RCBTB1: variants seen among roughly 807,000 people sequenced by gnomAD.
The protein encoded by RCBTB1 is RCC1 and BTB domain containing protein 1.
In RCBTB1, 46 loss-of-function variants were observed where a neutral mutation model predicts 62.4. That is an observed-to-expected ratio of 0.74 (90% confidence interval 0.58 to 0.94). RCBTB1 has a LOEUF of 0.94. Among genes scored for constraint, RCBTB1 ranks in the 40% least tolerant of loss-of-function variants. RCBTB1 has a pLI of 0.00. For missense variants in RCBTB1, 565 were observed against 654.9 expected, an observed-to-expected ratio of 0.86 and a Z score of 1.50; for synonymous variants, 222 against 245.8, an observed-to-expected ratio of 0.90 and a Z score of 0.91.
intron 9 of RCBTB1, among the ~76,000 whole-genome samples, chr13:49,549,136 A>T (rs1207062992): frequency 4.0e-5 from 1 of 24,836 alleles, no homozygotes; most frequent in Non-Finnish European, 1.8e-4. Context: ...TGTCTCAATA[A>T]AAAAAAAAAA....
chr13:49,563,642 G>C (rs1044570801), intron 4 of RCBTB1, among the ~76,000 whole-genome samples: 2 of 149,246 alleles, frequency 1.3e-5, no homozygotes, highest in Admixed American at 1.3e-4. Context: ...CTAGGCGATA[G>C]AGCGAGACTG....
At chr13:49,559,404 C>T (rs139918478) in intron 5 of RCBTB1, among the ~76,000 whole-genome samples, 3,427 of 152,216 alleles carry the variant, frequency 0.023, 123 homozygotes, top group East Asian at 0.15. Context: ...CGCCTGTAAT[C>T]CCAGCACTTT....
At chr13:49,562,632 A>C (rs1173987709) in intron 4 of RCBTB1, among the ~76,000 whole-genome samples, 1 of 151,858 alleles carries the variant, frequency 6.6e-6, no homozygotes, top group Non-Finnish European at 1.5e-5. Flanking sequence ...ATGGGGTCTC[A>C]CTCTGACCCT....
intron 2 of RCBTB1, among the ~76,000 whole-genome samples, chr13:49,572,961 T>C (rs1419716415): frequency 1.3e-5 from 2 of 152,180 alleles, no homozygotes; most frequent in Non-Finnish European, 2.9e-5. Flanking sequence ...AGGCCTTCCC[T>C]GACAGTCAAG....
intron 12 of RCBTB1, among the ~76,000 whole-genome samples, chr13:49,534,808 C>T (rs961268536): frequency 3.9e-5 from 6 of 152,152 alleles, no homozygotes; most frequent in South Asian, 2.1e-4. Context: ...CCGAGGCGGG[C>T]GGATCACTTG....
chr13:49,546,498 T>C (rs535859397), intron 9 of RCBTB1: 9 of 179,684 alleles, frequency 5.0e-5, no homozygotes, highest in Non-Finnish European at 6.4e-5. Flanking sequence ...ATTATGTTTA[T>C]TGTGCACTTA....
At chr13:49,553,758 G>T (rs1009790649) in intron 6 of RCBTB1, among the ~76,000 whole-genome samples, 1 of 152,182 alleles carries the variant, frequency 6.6e-6, no homozygotes, top group Non-Finnish European at 1.5e-5. Flanking sequence ...GGGAGAGATG[G>T]TTAAAGGCAC....
At chr13:49,558,992 TA>T (rs1171363170) in intron 5 of RCBTB1, among the ~76,000 whole-genome samples, 2 of 152,232 alleles carry the variant, frequency 1.3e-5, no homozygotes, top group Non-Finnish European at 2.9e-5. Context: ...TGCATTTATT[TA>T]AATGTTTAAG....
Position 49,567,336 on chromosome 13 carries a change from G to T in RCBTB1, c.-41-16C>A. 6.4e-7 allele frequency: 1 copy of T among 1,563,068 alleles called. No homozygotes were observed. Among genetic ancestry groups the T allele is most frequent in the Non-Finnish European group, 8.7e-7 (1 of 1,151,460 alleles). On this transcript the variant is annotated splice_polypyrimidine_tract_variant and intron_variant, in intron 2 of 12. Coordinates refer to ENST00000378302, the MANE Select transcript of RCBTB1 (RefSeq NM_018191.4). ...GCCGACATCTCTGCTGGAACAGAAAGGATTCCAGAAAAAAATTAAATAGTC... is the reference window on the plus strand; with the variant it reads ...GCCGACATCTCTGCTGGAACAGAAATGATTCCAGAAAAAAATTAAATAGTC...
intron 12 of RCBTB1, among the ~76,000 whole-genome samples, chr13:49,539,122 T>A (rs7327432): frequency 0.24 from 35,678 of 151,770 alleles, 6,951 homozygotes; most frequent in African/African-American, 0.53. Flanking sequence ...CACCTTGGCC[T>A]CCCAAAGTGC....
chr13:49,565,743 C>T lies in RCBTB1; in HGVS notation c.277+875G>A, dbSNP rs554152796. ...GAAGTGAGGAGCCCCTCTGCCCGGC[C>T]GCCACCCCGTCTGGGAGGTGTACCC... On this transcript the variant is annotated intron_variant, in intron 4 of 12. Coordinates refer to ENST00000378302, the MANE Select transcript of RCBTB1 (RefSeq NM_018191.4). 2.0e-3 allele frequency among the ~76,000 whole-genome samples: 270 copies of T among 138,122 alleles called. 2 individuals are homozygous for T. The highest frequency in any genetic ancestry group is 0.013 in the East Asian group (64 of 4,828). 90.6% of individuals were successfully genotyped at this position (138,122 alleles called of 152,430 possible).
Position 49,560,213 on chromosome 13 carries a change from A to G in RCBTB1, c.278-129T>C, listed in dbSNP as rs45490794. The G allele has an allele frequency of 5.2e-3, 5,000 of 962,752 alleles. 28 individuals are homozygous for G. Among genetic ancestry groups the G allele is most frequent in the Admixed American group, 8.9e-3 (365 of 40,872 alleles). The allele number at this position is 962,752 out of a possible 1,614,324, so 59.6% of individuals were successfully genotyped here. A position where few individuals can be genotyped will look rare whatever the true frequency, so the allele number is the denominator to read the frequency against. ...CTCCCATTGCCCCCTCCTCTCTATT[A>G]AGTAACCATGGACAGAGTAAAGGAG... On this transcript the variant is annotated intron_variant, in intron 4 of 12. Transcript: ENST00000378302.
At chr13:49,575,433 C>CAA (rs1594349917) in intron 2 of RCBTB1, among the ~76,000 whole-genome samples, 2 of 113,082 alleles carry the variant, frequency 1.8e-5, no homozygotes. Context: ...AATTGTTCTA[C>CAA]CAAAAAAAAA....
chr13:49,553,709 A>C (rs1566235690), intron 6 of RCBTB1, among the ~76,000 whole-genome samples: 1 of 152,180 alleles, frequency 6.6e-6, no homozygotes, highest in Non-Finnish European at 1.5e-5. Flanking sequence ...TCAGGGTAAC[A>C]TGATGGAGCG....
At chr13:49,576,927 TG>T (rs1192176474) in intron 2 of RCBTB1, among the ~76,000 whole-genome samples, 1 of 150,626 alleles carries the variant, frequency 6.6e-6, no homozygotes, top group Non-Finnish European at 1.5e-5. Context: ...GTAGAAAGAG[TG>T]TAACGTCCTT....
At chr13:49,536,247 G>C (rs1178636410) in intron 12 of RCBTB1, among the ~76,000 whole-genome samples, 1 of 152,170 alleles carries the variant, frequency 6.6e-6, no homozygotes, top group Admixed American at 6.5e-5. Flanking sequence ...AATCTGGGTT[G>C]TGTAAGTAAC....
chr13:49,539,819 T>G (rs779598329), intron 12 of RCBTB1, among the ~76,000 whole-genome samples: 1 of 152,212 alleles, frequency 6.6e-6, no homozygotes, highest in African/African-American at 2.4e-5. Context: ...TATCAAATAT[T>G]TATAATCAGA....
intron 12 of RCBTB1, among the ~76,000 whole-genome samples, chr13:49,535,017 G>C (rs1006333904): frequency 6.6e-6 from 1 of 152,216 alleles, no homozygotes; most frequent in African/African-American, 2.4e-5. Context: ...CTGGGTGACA[G>C]AGCAGAGGCT....
At position 49,541,746 on chromosome 13, in the gene RCBTB1, G is replaced by C; in HGVS notation, c.1254C>G (p.Tyr418Ter). 6.2e-7 allele frequency: 1 copy of C among 1,614,066 alleles called. No homozygotes were observed. The highest frequency in any genetic ancestry group is 8.5e-7 in the Non-Finnish European group (1 of 1,179,990). ...ACTGGAGAAAGGCACGATACACTGG[G>C]TAAGAAAACTGATCGATTTCTATCA... ...KEVIEIDQFS[Y>*]PVYRAFLQYL... The change falls in exon 11 of 13, where the codon TAC (tyrosine) becomes TAG (stop). Residue 418 changes from tyrosine to a stop codon, truncating the protein, a stop_gained. Transcript: ENST00000378302. LOFTEE classifies it high-confidence loss of function.
Sources: allele counts gnomAD v4.1 joint callset (sites outside exome capture counted in the v4.1 genomes callset), GRCh38; gene constraint gnomAD v4.1.1; transcripts MANE v1.5; gene names NCBI Gene and HGNC (gene_info 2026-07-23, HGNC 2026-07-21).